The following MATN2 variants were observed in gnomAD, a reference collection of about 807,000 sequenced individuals.
MATN2 encodes the protein matrilin 2.
MATN2 carries 69 observed loss-of-function variants against 103.2 expected under a neutral mutation model. The ratio of observed to expected loss-of-function variants is 0.67; its 90% confidence interval spans 0.55 to 0.82. The LOEUF is 0.82. MATN2 is among the 40% of genes least tolerant of loss of function. MATN2 has a pLI of 0.00. For synonymous variants in MATN2, 429 were observed against 450.2 expected (o/e 0.95, Z 0.60); for missense variants, 1,023 against 1,211.5 (o/e 0.84, Z 2.31).
chr8:98,009,781 C>A (rs2444896), intron 10 of MATN2, among the ~76,000 whole-genome samples: 115,248 of 151,996 alleles, frequency 0.76, 43,970 homozygotes, highest in Middle Eastern at 0.87. Flanking sequence ...GCTGCAGCTG[C>A]GCAGACTCCT....
intron 4 of MATN2, among the ~76,000 whole-genome samples, chr8:97,956,958 C>G (rs1431994584): frequency 1.3e-5 from 2 of 152,178 alleles, no homozygotes; most frequent in African/African-American, 4.8e-5. Flanking sequence ...TTATGGAGAC[C>G]AAATACATGT....
intron 3 of MATN2, among the ~76,000 whole-genome samples, chr8:97,933,433 G>A (rs984005741): frequency 6.6e-6 from 1 of 152,104 alleles, no homozygotes; most frequent in Non-Finnish European, 1.5e-5. Context: ...TTAATGGAGG[G>A]GTTCTTTTTA....
intron 6 of MATN2, among the ~76,000 whole-genome samples, chr8:97,988,899 T>G (rs1028683238): frequency 6.6e-6 from 1 of 152,066 alleles, no homozygotes; most frequent in African/African-American, 2.4e-5. Flanking sequence ...AAAAGAAAAC[T>G]ATACACAAAT....
chr8:97,947,887 T>C (rs1810806400), intron 4 of MATN2, among the ~76,000 whole-genome samples: 1 of 152,230 alleles, frequency 6.6e-6, no homozygotes, highest in Non-Finnish European at 1.5e-5. Context: ...GAATCATTGC[T>C]CCTAGATGAA....
intron 2 of MATN2, among the ~76,000 whole-genome samples, chr8:97,918,828 C>T (rs1358617435): frequency 6.6e-6 from 1 of 152,052 alleles, no homozygotes; most frequent in Non-Finnish European, 1.5e-5. Flanking sequence ...GGTTTAAATC[C>T]CTGTTCTGCC....
rs1403378761 is a variant in MATN2 at position 98,036,183 on chromosome 8, T to A, written c.*471T>A. On this transcript the variant is annotated 3_prime_UTR_variant, in exon 19 of 19. Coordinates refer to ENST00000254898, the MANE Select transcript of MATN2 (RefSeq NM_002380.5). Reference sequence around the variant, plus strand: ...TACTTGTGGAACAAGTTGGATTTTTTATACAATATTAAAATTCACCACTTC... The same window carrying A: ...TACTTGTGGAACAAGTTGGATTTTTAATACAATATTAAAATTCACCACTTC... 1 of 152,444 alleles carries A rather than the reference T, an allele frequency of 6.6e-6. No individual in the cohort carries two copies. The highest frequency in any genetic ancestry group is 2.4e-5 in the African/African-American group (1 of 41,480). The allele number at this position is 152,444 out of a possible 1,614,324, so 9.4% of individuals were successfully genotyped here.
chr8:97,906,036 CT>C (rs1232916834), intron 2 of MATN2, among the ~76,000 whole-genome samples: 4 of 152,134 alleles, frequency 2.6e-5, no homozygotes, highest in African/African-American at 9.7e-5. Flanking sequence ...GCTTTCAATT[CT>C]TTTGGATATA....
Position 97,931,507 on chromosome 8 carries a change from CAGA to C in MATN2, c.703_705del (p.Lys235del). On this transcript the variant is annotated inframe_deletion, in exon 3 of 19. Transcript: ENST00000254898. This position sits in a 1 kb window ranked among gnomAD's most constrained non-coding sequence, Gnocchi z 4.1. ...GATTGAGACGCTGACCTCCGTGTTC[CAGA>C]AGAAGTTGTGCAGTAAGTCCTGCTC... is the stretch of plus-strand genomic sequence containing the variant. 2 of 1,607,288 alleles carry C rather than the reference CAGA, an allele frequency of 1.2e-6. No homozygotes were observed. Among genetic ancestry groups the C allele is most frequent in the African/African-American group, 1.3e-5 (1 of 74,872 alleles).
intron 2 of MATN2, among the ~76,000 whole-genome samples, chr8:97,924,731 T>G (rs2130119480): frequency 6.6e-6 from 1 of 152,104 alleles, no homozygotes; most frequent in East Asian, 1.9e-4. Context: ...GTGTTTTTTT[T>G]TTTTTTTCAG....
chr8:97,875,688 C>CTTTT (rs1586364670), intron 1 of MATN2, among the ~76,000 whole-genome samples: 30 of 109,928 alleles, frequency 2.7e-4, no homozygotes, highest in Non-Finnish European at 4.0e-4. Context: ...GAGTATTTGC[C>CTTTT]TGTTTTTTTT....
intron 7 of MATN2, among the ~76,000 whole-genome samples, chr8:97,995,527 C>T (rs747273090): frequency 1.4e-4 from 22 of 152,152 alleles, no homozygotes; most frequent in Non-Finnish European, 2.8e-4. Context: ...CAATGTCATT[C>T]GTAGAACTCT....
intron 12 of MATN2, 144 bp from the exon 13 acceptor site, chr8:98,021,061 C>T (rs1391561408): frequency 4.2e-6 from 3 of 721,182 alleles, no homozygotes; most frequent in Non-Finnish European, 6.6e-6. Context: ...GAGTATGAGA[C>T]TGCAAAAGAC....
At chr8:98,025,396 T>G (rs573088478) in intron 13 of MATN2, 9 of 185,702 alleles carry the variant, frequency 4.8e-5, no homozygotes, top group Non-Finnish European at 9.0e-5. Flanking sequence ...CTTTTAAAGA[T>G]TAGACAGCTG....
chr8:98,002,871 T>C, intron 7 of MATN2, among the ~76,000 whole-genome samples: 1 of 152,136 alleles, frequency 6.6e-6, no homozygotes, highest in East Asian at 1.9e-4. Flanking sequence ...CCTGGCCTTG[T>C]CACCTCCACC....
chr8:98,021,678 A>AT (rs1409144615), intron 13 of MATN2, among the ~76,000 whole-genome samples: 3 of 131,688 alleles, frequency 2.3e-5, no homozygotes, highest in African/African-American at 8.4e-5. Context: ...CAGTTTAAAC[A>AT]TAAAAAAAAA....
chr8:97,914,228 G>C (rs754017018), intron 2 of MATN2, among the ~76,000 whole-genome samples: 1 of 152,080 alleles, frequency 6.6e-6, no homozygotes, highest in Admixed American at 6.6e-5. Context: ...GGAGAGATTG[G>C]CTTTGGGCTG....
chr8:97,971,442 C>A (rs1331052257), intron 5 of MATN2, among the ~76,000 whole-genome samples: 1 of 152,094 alleles, frequency 6.6e-6, no homozygotes, highest in Non-Finnish European at 1.5e-5. Context: ...GTTCCAACTC[C>A]CTGACAGCTC....
At chr8:98,018,137 G>T (rs975996229) in intron 12 of MATN2, 21 bp downstream of exon 12, 3 of 1,613,082 alleles carry the variant, frequency 1.9e-6, no homozygotes, top group Non-Finnish European at 2.5e-6. Context: ...TCGAGGTGGA[G>T]AAGAACTTTT....
At chr8:97,926,748 C>T (rs1011746099) in intron 2 of MATN2, among the ~76,000 whole-genome samples, 15 of 152,216 alleles carry the variant, frequency 9.9e-5, no homozygotes, top group African/African-American at 3.6e-4. Flanking sequence ...ACCACATCTC[C>T]TCTAGAACAT....
Sources: allele counts gnomAD v4.1 joint callset (sites outside exome capture counted in the v4.1 genomes callset), GRCh38; gene constraint gnomAD v4.1.1; non-coding constraint Gnocchi (gnomAD v3.1); transcripts MANE v1.5; gene names NCBI Gene and HGNC (gene_info 2026-07-23, HGNC 2026-07-21).